Variants in NALCN observed in about 807,000 individuals in gnomAD.
NALCN encodes sodium leak channel, non-selective.
Under a neutral mutation model 225.3 loss-of-function variants are expected in NALCN, and 111 were observed. The observed-to-expected ratio is 0.49, with a 90% CI of 0.42 to 0.58. The LOEUF (loss-of-function observed/expected upper bound fraction) is 0.58. Ranked by LOEUF, NALCN falls within the 20% of genes least tolerant of loss-of-function variation. NALCN has a pLI of 0.00. For synonymous variants in NALCN, 764 were observed against 769.0 expected, an observed-to-expected ratio of 0.99 and a Z score of 0.11; for missense variants, 1,378 against 2,202.4, an observed-to-expected ratio of 0.63 and a Z score of 7.49.
intron 10 of NALCN, among the ~76,000 whole-genome samples, chr13:101,259,709 A>G (rs2042353672): frequency 1.4e-5 from 2 of 148,108 alleles, no homozygotes; most frequent in Admixed American, 1.4e-4. Flanking sequence ...CACATTAAAA[A>G]TATTTGTGGG....
chr13:101,064,554 A>G lies in NALCN; in HGVS notation c.4604+850T>C, dbSNP rs562663845. Among the ~76,000 whole-genome samples, 421 of 142,282 alleles carry G rather than the reference A, an allele frequency of 3.0e-3. 2 individuals are homozygous for G. Among genetic ancestry groups the G allele is most frequent in the African/African-American group, 0.01 (382 of 37,992 alleles). The allele number at this position is 142,282 out of a possible 152,430, so 93.3% of individuals were successfully genotyped here. ...TTCTTATAAAAGGAGGAATTTGAAC[A>G]TAGATACACACACACACACACACAC... On this transcript the variant is annotated intron_variant, in intron 40 of 43. Transcript: ENST00000251127.
At chr13:101,135,885 CCTT>C in intron 17 of NALCN, among the ~76,000 whole-genome samples, 1 of 152,256 alleles carries the variant, frequency 6.6e-6, no homozygotes, top group East Asian at 1.9e-4. Flanking sequence ...GGCCTTAACT[CCTT>C]GATACCTCTT....
At chr13:101,378,359 C>T (rs554496694) in intron 4 of NALCN, among the ~76,000 whole-genome samples, 11 of 151,926 alleles carry the variant, frequency 7.2e-5, no homozygotes, top group Admixed American at 1.3e-4. Flanking sequence ...ACAAGTATTA[C>T]GTATCAATTA....
At chr13:101,175,159 A>G (rs867205344) in intron 15 of NALCN, among the ~76,000 whole-genome samples, 30 of 152,240 alleles carry the variant, frequency 2.0e-4, no homozygotes, top group African/African-American at 6.5e-4. Context: ...GAAGATGCCC[A>G]TTTGCCTGGG....
intron 14 of NALCN, among the ~76,000 whole-genome samples, chr13:101,186,957 A>G (rs1046374667): frequency 6.6e-6 from 1 of 152,212 alleles, no homozygotes; most frequent in Non-Finnish European, 1.5e-5. Flanking sequence ...AATACAGACC[A>G]TCAGTGAAAA....
intron 10 of NALCN, among the ~76,000 whole-genome samples, chr13:101,269,363 C>A (rs2042702096): frequency 1.3e-5 from 2 of 152,084 alleles, no homozygotes; most frequent in South Asian, 2.1e-4. Flanking sequence ...CATGGAGCAT[C>A]TTCTGCCTCC....
At chr13:101,102,153 C>T (rs2034853791) in intron 26 of NALCN, among the ~76,000 whole-genome samples, 1 of 151,958 alleles carries the variant, frequency 6.6e-6, no homozygotes, top group Admixed American at 6.6e-5. Context: ...AGTGGTGGCA[C>T]ATGCGTGTAG....
chr13:101,253,856 G>A lies in NALCN; in HGVS notation c.1266+4587C>T, dbSNP rs112813529. ...CAAAAGGCAAAATGTTTACTATCTG[G>A]GTCTGCAAGAAAGAGTTTGCCAAAC... On this transcript the variant is annotated intron_variant, in intron 11 of 43. Coordinates refer to ENST00000251127, the MANE Select transcript of NALCN (RefSeq NM_052867.4). 1.0e-3 allele frequency among the ~76,000 whole-genome samples: 149 copies of A among 145,642 alleles called. 1 individual carries two copies. Among genetic ancestry groups the A allele is most frequent in the Middle Eastern group, 6.8e-3 (2 of 292 alleles).
chr13:101,236,935 TA>T (rs941427525), intron 12 of NALCN, among the ~76,000 whole-genome samples: 3 of 127,862 alleles, frequency 2.3e-5, no homozygotes, highest in African/African-American at 8.3e-5. Context: ...TAAAATAAAA[TA>T]AAAAATAAAA....
At chr13:101,105,320 A>G in intron 22 of NALCN, among the ~76,000 whole-genome samples, 1 of 152,200 alleles carries the variant, frequency 6.6e-6, no homozygotes, top group South Asian at 2.1e-4. Context: ...TAGTTATTCA[A>G]GATTATTTAA....
In NALCN at chr13:101,089,745, AT is replaced by A; in HGVS notation, c.3406del (p.Ile1136PhefsTer10). The A allele has an allele frequency of 6.2e-7, 1 of 1,614,106 alleles. No individual in the cohort carries two copies. Among genetic ancestry groups the A allele is most frequent in the Non-Finnish European group, 8.5e-7 (1 of 1,179,938 alleles). ...HRVGPIHGIYIHVFVFLGCMI... is the reference protein window; with the variant it reads ...HRVGPIHGIYXHVFVFLGCMI... The stretch of plus-strand genomic sequence containing the variant: ...GCAACCCAGGAATACAAAAACATGA[AT>A]ATAGATTCCATGGATCTGCATAAAG... On this transcript the variant is annotated frameshift_variant, in exon 30 of 44. Coordinates refer to ENST00000251127, the MANE Select transcript of NALCN (RefSeq NM_052867.4). LOFTEE classifies it high-confidence loss of function. This position sits in a 1 kb window ranked among gnomAD's most constrained non-coding sequence, Gnocchi z 4.7.
chr13:101,297,282 C>G (rs1305590273), intron 7 of NALCN, among the ~76,000 whole-genome samples: 1 of 152,128 alleles, frequency 6.6e-6, no homozygotes, highest in African/African-American at 2.4e-5. Flanking sequence ...AATGGTAATA[C>G]CTGATCTGCC....
chr13:101,389,457 A>T (rs1429389520), intron 3 of NALCN, among the ~76,000 whole-genome samples: 3 of 152,194 alleles, frequency 2.0e-5, no homozygotes, highest in Non-Finnish European at 4.4e-5. Flanking sequence ...AGGACACCCA[A>T]CAAAAACCCT....
intron 41 of NALCN, among the ~76,000 whole-genome samples, chr13:101,060,369 C>T (rs1379150302): frequency 7.2e-6 from 1 of 139,078 alleles, no homozygotes; most frequent in African/African-American, 2.7e-5. Flanking sequence ...ACCTTAAACT[C>T]CTAGGCTCAA....
rs1375637500 is a variant in NALCN, at chr13:101,236,714, T to C, written c.1434+1041A>G. ...TCACTCATAGGTGGGAATTGAACAA[T>C]GAGAACACATGGACACAGGAAGGGG... On this transcript the variant is annotated intron_variant, in intron 12 of 43. Transcript: ENST00000251127. Among the ~76,000 whole-genome samples, 140 of 130,462 alleles carry C rather than the reference T, an allele frequency of 1.1e-3. 1 individual carries two copies. The highest frequency in any genetic ancestry group is 3.7e-3 in the African/African-American group (130 of 34,706). The allele number at this position is 130,462 out of a possible 152,430, so 85.6% of individuals were successfully genotyped here.
intron 7 of NALCN, among the ~76,000 whole-genome samples, chr13:101,317,917 G>A (rs485941): frequency 0.41 from 62,031 of 151,854 alleles, 13,020 homozygotes; most frequent in Middle Eastern, 0.47. Context: ...ATTTTTTAAC[G>A]TATTGAAATG....
chr13:101,247,026 T>C (rs921583581), intron 11 of NALCN, among the ~76,000 whole-genome samples: 20 of 152,168 alleles, frequency 1.3e-4, no homozygotes, highest in African/African-American at 4.6e-4. Flanking sequence ...GGTTAACCTC[T>C]TTGTTGACCA....
At position 101,089,650 on chromosome 13, in the gene NALCN, C is replaced by A; in HGVS notation, c.3489+13G>T. 2 of 1,612,494 alleles carry A rather than the reference C, an allele frequency of 1.2e-6. No homozygotes were observed. The highest frequency in any genetic ancestry group is 1.1e-5 in the South Asian group (1 of 90,936). ...AGGCTAAACCCTGTGGTATCCAAAC[C>A]AAAAATCCTTACCTTGTTTTCATTG... On this transcript the variant is annotated intron_variant, in intron 30 of 43. Transcript: ENST00000251127. The surrounding 1 kb of genome is among the most constrained non-coding windows in gnomAD (Gnocchi z 4.7).
intron 6 of NALCN, chr13:101,368,967 C>T (rs1473974368): frequency 2.9e-6 from 1 of 346,256 alleles, no homozygotes; most frequent in Admixed American, 3.7e-5. Context: ...GATCATGCCA[C>T]TGCACTCCAG....
Sources: allele counts gnomAD v4.1 joint callset (sites outside exome capture counted in the v4.1 genomes callset), GRCh38; gene constraint gnomAD v4.1.1; non-coding constraint Gnocchi (gnomAD v3.1); transcripts MANE v1.5; gene names NCBI Gene and HGNC (gene_info 2026-07-23, HGNC 2026-07-21).